Variants in RBM23 observed in about 807,000 individuals in gnomAD.
RBM23 encodes RNA binding motif protein 23, also known as probable RNA-binding protein 23.
RBM23 carries 53 observed loss-of-function variants against 56.2 expected under a neutral mutation model. That is an observed-to-expected ratio of 0.94 (90% confidence interval 0.76 to 1.19). The LOEUF (loss-of-function observed/expected upper bound fraction) is 1.19. RBM23 is among the 50% of genes most tolerant of loss of function. The pLI, the probability that RBM23 is intolerant of heterozygous loss-of-function variation, is 0.00. For missense variants in RBM23, 642 were observed against 590.3 expected (o/e 1.09, Z -0.91); for synonymous variants, 197 against 198.5 (o/e 0.99, Z 0.06).
Position 22,899,944 on chromosome 14 carries a change from G to C in RBM23, c.*1786C>G, listed in dbSNP as rs2040320631. 6.6e-6 allele frequency: 1 copy of C among 152,186 alleles called. No homozygotes were observed. Among genetic ancestry groups the C allele is most frequent in the Non-Finnish European group, 1.5e-5 (1 of 68,034 alleles). 9.4% of individuals were successfully genotyped at this position (152,186 alleles called of 1,614,324 possible). A position where few individuals can be genotyped will look rare whatever the true frequency, so the allele number is the denominator to read the frequency against. On this transcript the variant is annotated 3_prime_UTR_variant, in exon 14 of 14. Transcript: ENST00000359890. ...TAGAGATCAAAAAAGGAGCCCCACA[G>C]AGCCCTGCCCCTGAATTCAGGCCTT...
intron 10 of RBM23, 106 bp from the exon 11 acceptor site, chr14:22,902,488 C>T: frequency 6.9e-7 from 1 of 1,450,486 alleles, no homozygotes; most frequent in African/African-American, 1.4e-5. Context: ...TGTATGCTCA[C>T]TGAGGTACAA....
chr14:22,917,236 T>C (rs2043686509), intron 1 of RBM23: 1 of 152,228 alleles, frequency 6.6e-6, no homozygotes, highest in African/African-American at 2.4e-5. Context: ...ACAAATTTTC[T>C]GTTATGAACT....
chr14:22,912,445 G>A (rs1379493613), intron 1 of RBM23, among the ~76,000 whole-genome samples: 1 of 152,138 alleles, frequency 6.6e-6, no homozygotes, highest in African/African-American at 2.4e-5. Flanking sequence ...TGGCAGGCAA[G>A]GTAAAACGTG....
In RBM23 at chr14:22,906,264, C is replaced by T. The variant is rs771752296; in HGVS notation, c.332G>A (p.Ser111Asn). 5 of 1,614,148 alleles carry T rather than the reference C, an allele frequency of 3.1e-6. No individual in the cohort carries two copies. The highest frequency in any genetic ancestry group is 2.7e-5 in the African/African-American group (2 of 74,954). ...RSRSWDRRHG[S>N]ESRSRDHRRE... ...ACGATGGTCCCGACTTCGCGACTCA[C>T]TACCATGTCGACGATCCCAGCTACG... Residue 111 changes from serine (S) to asparagine (N), a missense_variant, in exon 5 of 14, where the codon AGT (serine) becomes AAT (asparagine). Physicochemically the swap from Ser to Asn is conservative, Grantham distance 46 (BLOSUM62 1). Transcript: ENST00000359890.
chr14:22,906,162 T>C (rs753478342), intron 5 of RBM23, 33 bp downstream of exon 5: 18 of 1,610,744 alleles, frequency 1.1e-5, no homozygotes, highest in Non-Finnish European at 1.5e-5. Context: ...CAGATTATTA[T>C]ACAAAAGTGA....
chr14:22,918,352 C>T (rs1459052197), intron 1 of RBM23, among the ~76,000 whole-genome samples: 2 of 151,840 alleles, frequency 1.3e-5, no homozygotes, highest in East Asian at 3.9e-4. Flanking sequence ...GAGATCGCGC[C>T]ACTCCACTCC....
At chr14:22,903,946 A>C in intron 10 of RBM23, 1 of 1,294,646 alleles carries the variant, frequency 7.7e-7, no homozygotes, top group Non-Finnish European at 9.9e-7. Context: ...GCCCATACCT[A>C]ACCTCCCTCA....
Position 22,908,119 on chromosome 14 carries a change from C to T in RBM23, c.227+214G>A, listed in dbSNP as rs144692301. Among the ~76,000 whole-genome samples the T allele has an allele frequency of 2.0e-5, 3 of 152,252 alleles. No individual in the cohort carries two copies. In the East Asian group the frequency reaches 5.8e-4, roughly 29 times the overall value. ...CACTGCAACCTCGAACTCCTGGGCC[C>T]AAGCAATCCTCCAGCCTTAGCCTCC... On this transcript the variant is annotated intron_variant, in intron 4 of 13. Coordinates refer to ENST00000359890, the MANE Select transcript of RBM23 (RefSeq NM_001077351.2).
At position 22,895,968 on chromosome 14, in the gene RBM23, G is replaced by A. The variant is rs912977222; in HGVS notation, c.*5762C>T. 1.3e-5 allele frequency: 2 copies of A among 152,202 alleles called. No individual in the cohort carries two copies. The highest frequency in any genetic ancestry group is 4.8e-5 in the African/African-American group (2 of 41,444). The allele number at this position is 152,202 out of a possible 1,614,324, so 9.4% of individuals were successfully genotyped here. A position where few individuals can be genotyped will look rare whatever the true frequency, so the allele number is the denominator to read the frequency against. On this transcript the variant is annotated 3_prime_UTR_variant, in exon 14 of 14. Coordinates refer to ENST00000359890, the MANE Select transcript of RBM23 (RefSeq NM_001077351.2). ...GTGGGATCTGTTTTCCTGAAAACTA[G>A]GCAGGTTGTGTGTGACCCAAGACCT...
At chr14:22,906,091 A>C (rs1186437762) in intron 5 of RBM23, 104 bp downstream of exon 5, 5 of 1,336,406 alleles carry the variant, frequency 3.7e-6, no homozygotes, top group Middle Eastern at 2.0e-4. Context: ...TATCCTGCCA[A>C]TCACAATGTG....
At chr14:22,911,606 T>G (rs1347645278) in intron 1 of RBM23, 1 of 412,144 alleles carries the variant, frequency 2.4e-6, no homozygotes, top group Admixed American at 3.7e-5. Flanking sequence ...TAGTTCGACT[T>G]TGTGGCTTGG....
chr14:22,907,071 G>C (rs1288412675), intron 4 of RBM23, among the ~76,000 whole-genome samples: 1 of 152,248 alleles, frequency 6.6e-6, no homozygotes, highest in Non-Finnish European at 1.5e-5. Flanking sequence ...CTACTCAGGA[G>C]GCTGAGGCAG....
rs966538367 is a variant in RBM23 at position 22,900,622 on chromosome 14, G to A, written c.*1108C>T. On this transcript the variant is annotated 3_prime_UTR_variant, in exon 14 of 14. Coordinates refer to ENST00000359890, the MANE Select transcript of RBM23 (RefSeq NM_001077351.2). ...GTGAGTTTTCATTTTTCTTTCTAAAGGTGGTTAAATAAATAAACACAATGA... is the reference window on the plus strand; with the variant it reads ...GTGAGTTTTCATTTTTCTTTCTAAAAGTGGTTAAATAAATAAACACAATGA... 7 of 152,014 alleles carry A rather than the reference G, an allele frequency of 4.6e-5. No individual in the cohort carries two copies. Among genetic ancestry groups the A allele is most frequent in the Non-Finnish European group, 1.0e-4 (7 of 68,008 alleles). 9.4% of individuals were successfully genotyped at this position (152,014 alleles called of 1,614,324 possible). A position where few individuals can be genotyped will look rare whatever the true frequency, so the allele number is the denominator to read the frequency against.
intron 5 of RBM23, chr14:22,905,985 A>G: frequency 3.1e-6 from 2 of 640,188 alleles, no homozygotes; most frequent in Admixed American, 6.0e-5. Context: ...CCTGAGCCCA[A>G]GTGATCTTCT....
intron 4 of RBM23, among the ~76,000 whole-genome samples, chr14:22,906,907 C>A (rs2041671520): frequency 6.6e-6 from 1 of 152,194 alleles, no homozygotes; most frequent in African/African-American, 2.4e-5. Context: ...GGCACGGTGG[C>A]TCACGCCTGT....
intron 10 of RBM23, chr14:22,903,604 G>T (rs2040999251): frequency 1.0e-5 from 10 of 991,530 alleles, no homozygotes; most frequent in African/African-American, 1.7e-5. Context: ...TGCCCTGTGG[G>T]TCACTGTGGG....
At chr14:22,909,928 G>A (rs931320212) in intron 2 of RBM23, among the ~76,000 whole-genome samples, 47 of 151,884 alleles carry the variant, frequency 3.1e-4, no homozygotes, top group African/African-American at 7.5e-4. Flanking sequence ...TGAGGCAGGC[G>A]GATCAATTGA....
intron 1 of RBM23, among the ~76,000 whole-genome samples, chr14:22,914,512 C>G (rs1056436405): frequency 3.3e-5 from 5 of 151,658 alleles, no homozygotes; most frequent in Admixed American, 6.6e-5. Flanking sequence ...ACAAACAAAT[C>G]TTTGGGAGTG....
intron 4 of RBM23, among the ~76,000 whole-genome samples, chr14:22,907,830 TG>T (rs938079174): frequency 6.6e-6 from 1 of 152,122 alleles, no homozygotes; most frequent in African/African-American, 2.4e-5. Context: ...GATGTGGAGG[TG>T]AAAGACCCTC....
Sources: gnomAD v4.1 joint callset for allele counts (sites outside exome capture counted in the v4.1 genomes callset) on GRCh38, gnomAD v4.1.1 for gene constraint, MANE v1.5 for transcripts, NCBI Gene and HGNC (gene_info 2026-07-23, HGNC 2026-07-21) for gene names.